ABHD2: variants seen among roughly 807,000 people sequenced by gnomAD.
ABHD2 encodes the protein monoacylglycerol lipase ABHD2.
Under a neutral mutation model 48.1 loss-of-function variants are expected in ABHD2, and 20 were observed. The observed-to-expected ratio is 0.42, with a 90% confidence interval of 0.29 to 0.60. The LOEUF is 0.60. ABHD2 is among the 20% of genes least tolerant of loss of function. The pLI is 0.24. For synonymous variants in ABHD2, 209 were observed against 214.2 expected (o/e 0.98, Z 0.21); for missense variants, 405 against 550.9 (o/e 0.74, Z 2.65).
At chr15:89,074,256 A>G in the ABHD2 span, among the ~76,000 whole-genome samples, 43 of 152,180 alleles carry the variant, frequency 2.8e-4, no homozygotes, top group African/African-American at 1.0e-3. Context: ...TGCTCCTGTA[A>G]TCCCAGCTAC....
the ABHD2 span, among the ~76,000 whole-genome samples, chr15:89,072,721 T>A: frequency 6.6e-6 from 1 of 152,200 alleles, no homozygotes; most frequent in Non-Finnish European, 1.5e-5. Context: ...TCTTTGGTAT[T>A]CACCCATTCA....
chr15:89,057,788 G>C, the ABHD2 span, among the ~76,000 whole-genome samples: 1,168 of 150,976 alleles, frequency 7.7e-3, 16 homozygotes, highest in African/African-American at 0.026. Flanking sequence ...AAAAAAGAAA[G>C]AAACAAACCT....
chr15:89,059,561 C>G, the ABHD2 span, among the ~76,000 whole-genome samples: 128 of 152,134 alleles, frequency 8.4e-4, 2 homozygotes, highest in South Asian at 0.026. Flanking sequence ...GGGAAAAAAA[C>G]CTCTTGAACC....
the ABHD2 span, among the ~76,000 whole-genome samples, chr15:89,072,989 T>TA: frequency 0.2 from 30,168 of 152,118 alleles, 3,670 homozygotes; most frequent in East Asian, 0.35. Context: ...AAAATAATTT[T>TA]ATAAGTATAG....
At position 89,179,361 on chromosome 15, in the gene ABHD2, T is replaced by C. The variant is rs186024661; in HGVS notation, c.722+3366T>C. On this transcript the variant is annotated intron_variant, in intron 6 of 10. Transcript: ENST00000352732. The surrounding 1 kb of genome is among the most constrained non-coding windows in gnomAD (Gnocchi z 4.3). ...TAGTCTCATTCCCCATTGATCACAT[T>C]ACTGCCTGAGTTCCGCCTCCTGTCA... is the stretch of plus-strand genomic sequence containing the variant. 4.3e-4 allele frequency among the ~76,000 whole-genome samples: 66 copies of C among 152,312 alleles called. No homozygotes were observed. The East Asian group carries it at 0.012, about 27-fold the overall frequency.
In ABHD2 at chr15:89,097,118, T is replaced by A. The variant is rs995787672; in HGVS notation, c.-107+8555T>A. 2.0e-5 allele frequency among the ~76,000 whole-genome samples: 3 copies of A among 152,176 alleles called. No homozygotes were observed. The highest frequency in any genetic ancestry group is 1.5e-5 in the Non-Finnish European group (1 of 68,040). On this transcript the variant is annotated intron_variant, in intron 1 of 10. Coordinates refer to ENST00000352732, the MANE Select transcript of ABHD2 (RefSeq NM_152924.5). The surrounding 1 kb of genome is among the most constrained non-coding windows in gnomAD (Gnocchi z 4.2). ...CACTCATTCATTTATTAGCTTTTTA[T>A]TCTGGGAATTTTAAAGATATACAGA...
rs2051401486 is a variant in ABHD2, at chr15:89,196,278, C to T, written c.*855C>T. On this transcript the variant is annotated 3_prime_UTR_variant, in exon 11 of 11. Coordinates refer to ENST00000352732, the MANE Select transcript of ABHD2 (RefSeq NM_152924.5). ...ACGGTCTCCAGAGCAGCAAGGCCGG[C>T]TATGGAGCTGCCGTCGTGTGACCAC... 6.6e-6 allele frequency: 1 copy of T among 152,224 alleles called. No individual in the cohort carries two copies. Among genetic ancestry groups the T allele is most frequent in the African/African-American group, 2.4e-5 (1 of 41,450 alleles). 9.4% of individuals were successfully genotyped at this position (152,224 alleles called of 1,614,324 possible).
intron 3 of ABHD2, among the ~76,000 whole-genome samples, chr15:89,117,559 C>T (rs1378035633): frequency 6.6e-6 from 1 of 152,244 alleles, no homozygotes; most frequent in African/African-American, 2.4e-5. Flanking sequence ...TGCTGCTTCA[C>T]TCGCTTTGTG....
At chr15:89,193,684 T>TCA (rs2051343731) in intron 10 of ABHD2, among the ~76,000 whole-genome samples, 1 of 152,204 alleles carries the variant, frequency 6.6e-6, no homozygotes, top group Non-Finnish European at 1.5e-5. Context: ...GTGTGTTGGC[T>TCA]CACACCTGTA....
At position 89,147,455 on chromosome 15, in the gene ABHD2, G is replaced by A. The variant is rs373716692; in HGVS notation, c.195-4222G>A. Among the ~76,000 whole-genome samples the A allele has an allele frequency of 2.1e-3, 305 of 145,248 alleles. 1 individual carries two copies. Among genetic ancestry groups the A allele is most frequent in the South Asian group, 0.018 (82 of 4,580 alleles). On this transcript the variant is annotated intron_variant, in intron 3 of 10. Coordinates refer to ENST00000352732, the MANE Select transcript of ABHD2 (RefSeq NM_152924.5). ...TGCAAGCTCCGCCTCCCAGGTTTAC[G>A]CCATTCTCCTGCCTCAGCCTCCCAA...
At chr15:89,076,759 C>T in the ABHD2 span, among the ~76,000 whole-genome samples, 1 of 152,228 alleles carries the variant, frequency 6.6e-6, no homozygotes, top group Non-Finnish European at 1.5e-5. Context: ...GCTAGGATTA[C>T]AGGCATGATC....
Position 89,106,975 on chromosome 15 carries a change from G to A in ABHD2, c.-106-6750G>A, listed in dbSNP as rs2049796224. ...GACCATGTTTTTGGGGTGGTGTGCT[G>A]TGGCCTTCTGCTGTCCTTCTCCTGA... On this transcript the variant is annotated intron_variant, in intron 1 of 10. Coordinates refer to ENST00000352732, the MANE Select transcript of ABHD2 (RefSeq NM_152924.5). The surrounding 1 kb of genome is among the most constrained non-coding windows in gnomAD (Gnocchi z 4.2). Among the ~76,000 whole-genome samples the A allele has an allele frequency of 1.3e-5, 2 of 152,184 alleles. No homozygotes were observed. Among genetic ancestry groups the A allele is most frequent in the African/African-American group, 4.8e-5 (2 of 41,452 alleles).
At chr15:89,127,618 T>C (rs2050148999) in intron 3 of ABHD2, among the ~76,000 whole-genome samples, 1 of 150,994 alleles carries the variant, frequency 6.6e-6, no homozygotes, top group Non-Finnish European at 1.5e-5. Flanking sequence ...TTTAAAATGT[T>C]GACACCTGCC....
At chr15:89,118,159 T>A (rs888734229) in intron 3 of ABHD2, among the ~76,000 whole-genome samples, 13 of 152,138 alleles carry the variant, frequency 8.5e-5, no homozygotes, top group African/African-American at 3.1e-4. Flanking sequence ...GTATTTGTCA[T>A]AGTCATATTT....
At position 89,091,808 on chromosome 15, in the gene ABHD2, A is replaced by G. The variant is rs1901607021; in HGVS notation, c.-107+3245A>G. ...CATTGTGAGTTTTGAGTACTCCATG[A>G]CCAGTTTCAGAGTATAGATGATGTG... On this transcript the variant is annotated intron_variant, in intron 1 of 10. Transcript: ENST00000352732. The surrounding 1 kb of genome is among the most constrained non-coding windows in gnomAD (Gnocchi z 5.5). 6.6e-6 allele frequency among the ~76,000 whole-genome samples: 1 copy of G among 152,182 alleles called. No individual in the cohort carries two copies. The highest frequency in any genetic ancestry group is 6.5e-5 in the Admixed American group (1 of 15,280).
chr15:89,052,548 CAGACAG>C, the ABHD2 span, among the ~76,000 whole-genome samples: 63 of 146,180 alleles, frequency 4.3e-4, no homozygotes, highest in African/African-American at 1.2e-3. Flanking sequence ...GACAGACAGA[CAGACAG>C]ACAGACACAC....
In ABHD2 at chr15:89,168,706, C is replaced by T. The variant is rs891659306; in HGVS notation, c.539-7106C>T. On this transcript the variant is annotated intron_variant, in intron 5 of 10. Transcript: ENST00000352732. This position sits in a 1 kb window ranked among gnomAD's most constrained non-coding sequence, Gnocchi z 4.8. ...AGCAAATCTGAGTTTTGTAACTGTC[C>T]CAATGACATCTGAACATCTGCTCTA... is the stretch of plus-strand genomic sequence containing the variant. Among the ~76,000 whole-genome samples the T allele has an allele frequency of 2.0e-5, 3 of 152,250 alleles. No homozygotes were observed. Among genetic ancestry groups the T allele is most frequent in the African/African-American group, 4.8e-5 (2 of 41,542 alleles).
At chr15:89,095,206 G>A (rs761669628) in intron 1 of ABHD2, among the ~76,000 whole-genome samples, 83 of 152,114 alleles carry the variant, frequency 5.5e-4, no homozygotes, top group Non-Finnish European at 1.6e-4. Flanking sequence ...ATGCTGTTTG[G>A]GAGGGCCTAA....
the ABHD2 span, among the ~76,000 whole-genome samples, chr15:89,074,080 A>G: frequency 6.6e-6 from 1 of 152,106 alleles, no homozygotes; most frequent in South Asian, 2.1e-4. Flanking sequence ...CTCTGTACAT[A>G]AGAGTCACCT....
Sources: allele counts gnomAD v4.1 joint callset (sites outside exome capture counted in the v4.1 genomes callset), GRCh38; gene constraint gnomAD v4.1.1; non-coding constraint Gnocchi (gnomAD v3.1); transcripts MANE v1.5; gene names NCBI Gene and HGNC (gene_info 2026-07-23, HGNC 2026-07-21).